CCR3: variants seen among roughly 807,000 people sequenced by gnomAD.
CCR3 encodes C-C motif chemokine receptor 3, also known as C-C chemokine receptor type 3.
For synonymous variants in CCR3, 203 were observed against 179.2 expected (o/e 1.13, Z -1.06); for missense variants, 419 against 437.5 (o/e 0.96, Z 0.38).
intron 1 of CCR3, among the ~76,000 whole-genome samples, chr3:46,260,460 G>T (rs1411924589): frequency 6.6e-6 from 1 of 152,238 alleles, no homozygotes; most frequent in Admixed American, 6.5e-5. Flanking sequence ...TGAGGGTACA[G>T]GCATTGGGTA....
At chr3:46,264,540 TA>T (rs1409870418) in intron 1 of CCR3, 1 of 813,910 alleles carries the variant, frequency 1.2e-6, no homozygotes, top group African/African-American at 1.8e-5. Context: ...GGATAGAGAC[TA>T]AAGATCTAGC....
intron 1 of CCR3, chr3:46,263,594 G>A (rs1575512780): frequency 6.6e-6 from 1 of 152,520 alleles, no homozygotes; most frequent in Non-Finnish European, 1.5e-5. Context: ...ATTTGAAATG[G>A]CTTCTAATTG....
intron 1 of CCR3, among the ~76,000 whole-genome samples, chr3:46,242,863 A>G (rs925543557): frequency 1.9e-4 from 29 of 151,192 alleles, no homozygotes; most frequent in South Asian, 4.2e-4. Flanking sequence ...ATTCTCAACT[A>G]TGTGCATATG....
rs1242759859 is a variant in CCR3 at position 46,246,393 on chromosome 3, G to T, written c.-12+3855G>T. ...AAGAGAGTCAGCGAAGGGAGATAAG[G>T]GTGGGGCCGTTTTATAGGATTTGGG... is the stretch of plus-strand genomic sequence containing the variant. On this transcript the variant is annotated intron_variant, in intron 1 of 1. Transcript: ENST00000395940. Among the ~76,000 whole-genome samples, 17 of 152,240 alleles carry T rather than the reference G, an allele frequency of 1.1e-4. 1 individual carries two copies. Among genetic ancestry groups the T allele is most frequent in the Admixed American group, 9.8e-4 (15 of 15,290 alleles).
At chr3:46,262,133 A>G (rs970937959) in intron 1 of CCR3, among the ~76,000 whole-genome samples, 5 of 152,250 alleles carry the variant, frequency 3.3e-5, no homozygotes, top group Non-Finnish European at 7.3e-5. Context: ...CACTGAAAGA[A>G]GAAACTGAAA....
At chr3:46,264,502 T>A in intron 1 of CCR3, 1 of 1,175,434 alleles carries the variant, frequency 8.5e-7, no homozygotes, top group South Asian at 1.4e-5. Context: ...TCACTACATT[T>A]GAATCTAGTG....
chr3:46,225,773 T>A, intron 2 of CCR3, among the ~76,000 whole-genome samples: 1 of 152,240 alleles, frequency 6.6e-6, no homozygotes, highest in East Asian at 1.9e-4. Flanking sequence ...GCTTTTTTGC[T>A]TTTGAGTTTT....
At chr3:46,237,930 G>A (rs1700040446), upstream of CCR3, among the ~76,000 whole-genome samples, 1 of 152,158 alleles carries the variant, frequency 6.6e-6, no homozygotes, top group South Asian at 2.1e-4. Flanking sequence ...CCACCTTCAA[G>A]TTTGAGAGAA....
At chr3:46,224,528 A>G (rs1288857935) in intron 2 of CCR3, among the ~76,000 whole-genome samples, 1 of 151,952 alleles carries the variant, frequency 6.6e-6, no homozygotes, top group East Asian at 1.9e-4. Flanking sequence ...ACCTGAGGTG[A>G]GGAGTTTGAG....
chr3:46,256,264 A>G (rs565671730), intron 1 of CCR3, among the ~76,000 whole-genome samples: 1 of 152,084 alleles, frequency 6.6e-6, no homozygotes, highest in East Asian at 1.9e-4. Context: ...TTCATTTATT[A>G]TTACATCTGG....
At chr3:46,212,862 G>A (rs1699732814) in intron 2 of CCR3, among the ~76,000 whole-genome samples, 1 of 152,140 alleles carries the variant, frequency 6.6e-6, no homozygotes, top group Admixed American at 6.5e-5. Context: ...TCCATGACAG[G>A]AAGTCATCAA....
rs371818276 is a variant in CCR3, at chr3:46,229,820, G to C, written c.-67-12582G>C. Among the ~76,000 whole-genome samples, 5 of 152,044 alleles carry C rather than the reference G, an allele frequency of 3.3e-5. No homozygotes were observed. In the South Asian group the frequency reaches 8.3e-4, roughly 25 times the overall value. ...ATCCTGGATGCTGAGGTGAAGATTC[G>C]TGTGCAAGGAATATATTAAGGAAAT... On this transcript the variant is annotated intron_variant, in intron 2 of 3. Transcript: ENST00000357422.
chr3:46,220,178 G>A (rs955063514), intron 2 of CCR3, among the ~76,000 whole-genome samples: 9 of 152,076 alleles, frequency 5.9e-5, no homozygotes, highest in Non-Finnish European at 1.0e-4. Context: ...GCGGGCTAAG[G>A]ACATGAGTAG....
intron 2 of CCR3, among the ~76,000 whole-genome samples, chr3:46,230,060 C>G (rs1460703735): frequency 6.6e-6 from 1 of 152,010 alleles, no homozygotes; most frequent in African/African-American, 2.4e-5. Context: ...CAAAACCACT[C>G]CAGTAGTCAG....
Position 46,266,642 on chromosome 3 carries a change from C to G in CCR3, c.*416C>G, listed in dbSNP as rs1700640900. 1 of 173,274 alleles carries G rather than the reference C, an allele frequency of 5.8e-6. No homozygotes were observed. The highest frequency in any genetic ancestry group is 1.4e-5 in the Non-Finnish European group (1 of 72,792). The allele number at this position is 173,274 out of a possible 1,614,324, so 10.7% of individuals were successfully genotyped here. On this transcript the variant is annotated 3_prime_UTR_variant, in exon 2 of 2. Coordinates refer to ENST00000395940, the MANE Select transcript of CCR3 (RefSeq NM_178329.3). The stretch of plus-strand genomic sequence containing the variant: ...TTAACTATTTTATTTTCTAATGTGC[C>G]TAGTTCTTTCCCTGCTTAATGAAAA...
intron 2 of CCR3, among the ~76,000 whole-genome samples, chr3:46,216,025 C>G (rs186164078): frequency 1.1e-3 from 163 of 152,306 alleles, no homozygotes; most frequent in Middle Eastern, 6.8e-3. Flanking sequence ...AAAAGTCATG[C>G]CTGCCTATTG....
At chr3:46,215,659 G>A (rs540673648) in intron 2 of CCR3, among the ~76,000 whole-genome samples, 2 of 152,302 alleles carry the variant, frequency 1.3e-5, no homozygotes, top group African/African-American at 4.8e-5. Flanking sequence ...AGTCTGTATA[G>A]GGTTCAAGAG....
chr3:46,233,142 T>C (rs1184236786), intron 2 of CCR3, among the ~76,000 whole-genome samples: 1 of 152,208 alleles, frequency 6.6e-6, no homozygotes, highest in Non-Finnish European at 1.5e-5. Flanking sequence ...ATAGTCCTTT[T>C]TGTAAAGCTT....
At chr3:46,247,147 C>T (rs912031284) in intron 1 of CCR3, among the ~76,000 whole-genome samples, 5 of 152,032 alleles carry the variant, frequency 3.3e-5, no homozygotes, top group South Asian at 2.1e-4. Flanking sequence ...GAGTTAAGAG[C>T]GGCGGTTTGG....
Sources: allele counts gnomAD v4.1 joint callset (sites outside exome capture counted in the v4.1 genomes callset), GRCh38; gene constraint gnomAD v4.1.1; transcripts MANE v1.5; gene names NCBI Gene and HGNC (gene_info 2026-07-23, HGNC 2026-07-21).